Variants in ADGRL2 observed in about 807,000 individuals in gnomAD.
ADGRL2 encodes the protein adhesion G protein-coupled receptor L2.
ADGRL2 carries 44 observed loss-of-function variants against 157.4 expected under a neutral mutation model. That is an observed-to-expected ratio of 0.28 (90% CI 0.22 to 0.36). The LOEUF is 0.36. Among genes scored for constraint, ADGRL2 ranks in the 10% least tolerant of loss-of-function variants. The pLI is 1.00. For synonymous variants in ADGRL2, 585 were observed against 624.7 expected, an observed-to-expected ratio of 0.94 and a Z score of 0.95; for missense variants, 1,510 against 1,768.9, an observed-to-expected ratio of 0.85 and a Z score of 2.63.
At chr1:81,446,336 C>A (rs1374599024) in intron 2 of ADGRL2, among the ~76,000 whole-genome samples, 2 of 152,048 alleles carry the variant, frequency 1.3e-5, no homozygotes, top group Non-Finnish European at 2.9e-5. Flanking sequence ...TAAAAAGGAA[C>A]CTACAAAACA....
At chr1:81,473,547 C>G (rs2078214230) in intron 2 of ADGRL2, among the ~76,000 whole-genome samples, 2 of 152,124 alleles carry the variant, frequency 1.3e-5, no homozygotes, top group Admixed American at 1.3e-4. Flanking sequence ...AATGTGGCTA[C>G]CAGAAAATTC....
intron 2 of ADGRL2, among the ~76,000 whole-genome samples, chr1:81,898,704 T>C (rs1203900865): frequency 3.3e-5 from 5 of 152,160 alleles, no homozygotes; most frequent in African/African-American, 1.2e-4. Flanking sequence ...AAAGTTGGAC[T>C]ATCAGTGACA....
intron 3 of ADGRL2, among the ~76,000 whole-genome samples, chr1:81,599,953 T>C (rs929123467): frequency 6.6e-6 from 1 of 152,360 alleles, no homozygotes; most frequent in South Asian, 2.1e-4. Flanking sequence ...GTGTAGCCCA[T>C]GCATTATTGA....
In ADGRL2 at chr1:81,388,675, G is replaced by A. The variant is rs375180922; in HGVS notation, c.-301-56361G>A. Among the ~76,000 whole-genome samples, 6 of 152,284 alleles carry A rather than the reference G, an allele frequency of 3.9e-5. No homozygotes were observed. The East Asian group carries it at 9.7e-4, about 25-fold the overall frequency. ...AGAGGGCACAGATAGGAGTAAACGTGTATGAGGAAGTGGGCCCTCACATCG... is the reference window on the plus strand; with the variant it reads ...AGAGGGCACAGATAGGAGTAAACGTATATGAGGAAGTGGGCCCTCACATCG... On this transcript the variant is annotated intron_variant, in intron 1 of 24. Transcript: ENST00000370721.
At chr1:81,536,767 T>C (rs1419133411) in intron 2 of ADGRL2, among the ~76,000 whole-genome samples, 3 of 152,238 alleles carry the variant, frequency 2.0e-5, no homozygotes, top group African/African-American at 7.2e-5. Context: ...GTTCTATAAA[T>C]AATATATTGA....
chr1:81,448,526 C>A (rs564011131), intron 2 of ADGRL2, among the ~76,000 whole-genome samples: 2 of 151,526 alleles, frequency 1.3e-5, no homozygotes, highest in Admixed American at 1.3e-4. Context: ...AGCCTCTACA[C>A]CCCCTGATCT....
At chr1:81,750,964 AT>A in intron 1 of ADGRL2, among the ~76,000 whole-genome samples, 1 of 152,306 alleles carries the variant, frequency 6.6e-6, no homozygotes, top group Non-Finnish European at 1.5e-5. Context: ...TGGTTTCTCA[AT>A]AACATTCTCA....
At chr1:81,942,504 A>G (rs1572261623) in intron 5 of ADGRL2, among the ~76,000 whole-genome samples, 1 of 151,914 alleles carries the variant, frequency 6.6e-6, no homozygotes, top group East Asian at 1.9e-4. Context: ...TAACTTATGT[A>G]AAAGTTCTAA....
chr1:81,606,775 C>T (rs1036869092), intron 3 of ADGRL2, among the ~76,000 whole-genome samples: 4 of 140,386 alleles, frequency 2.8e-5, no homozygotes, highest in African/African-American at 1.0e-4. Context: ...TGTGTGTGTG[C>T]GCACGCGTGT....
At chr1:81,383,740 A>G (rs993040941) in intron 1 of ADGRL2, among the ~76,000 whole-genome samples, 22 of 149,286 alleles carry the variant, frequency 1.5e-4, no homozygotes, top group Non-Finnish European at 2.4e-4. Flanking sequence ...CAAGGTGGGC[A>G]GATCACAAGG....
At chr1:81,982,743 C>T (rs1157760985) in intron 19 of ADGRL2, among the ~76,000 whole-genome samples, 1 of 151,896 alleles carries the variant, frequency 6.6e-6, no homozygotes, top group Admixed American at 6.6e-5. Flanking sequence ...TTACTTCCAT[C>T]AGTTTTGAAT....
intron 3 of ADGRL2, chr1:81,596,313 G>A (rs905736558): frequency 7.3e-6 from 4 of 546,516 alleles, no homozygotes; most frequent in Admixed American, 6.3e-5. Flanking sequence ...ATTTTTTCTT[G>A]TAGTGATTCT....
At chr1:81,609,094 C>T (rs1282760589) in intron 3 of ADGRL2, among the ~76,000 whole-genome samples, 2 of 151,374 alleles carry the variant, frequency 1.3e-5, no homozygotes, top group Non-Finnish European at 2.9e-5. Flanking sequence ...GGTTAGAGTG[C>T]AGTGGTGCAA....
intron 1 of ADGRL2, chr1:81,426,938 AGT>A (rs1411254387): frequency 1.4e-6 from 1 of 713,324 alleles, no homozygotes; most frequent in Non-Finnish European, 2.6e-6. Context: ...AGACAGACAG[AGT>A]GAAAAAAAGG....
intron 4 of ADGRL2, among the ~76,000 whole-genome samples, chr1:81,938,293 A>T (rs1321502156): frequency 6.6e-6 from 1 of 151,770 alleles, no homozygotes; most frequent in Non-Finnish European, 1.5e-5. Context: ...GAGAAGAAAT[A>T]CAGCATCCAT....
intron 11 of ADGRL2, among the ~76,000 whole-genome samples, chr1:81,961,173 A>G (rs1171493754): frequency 6.6e-6 from 1 of 152,206 alleles, no homozygotes; most frequent in Non-Finnish European, 1.5e-5. Flanking sequence ...AAGTGTATTC[A>G]TGTTCAGAAA....
chr1:81,643,215 G>A (rs1395047025), intron 3 of ADGRL2, among the ~76,000 whole-genome samples: 2 of 152,158 alleles, frequency 1.3e-5, no homozygotes, highest in African/African-American at 2.4e-5. Flanking sequence ...GACTTCCCGG[G>A]ACTAATAAGT....
chr1:81,355,161 G>C (rs1195354260), intron 1 of ADGRL2, among the ~76,000 whole-genome samples: 2 of 151,998 alleles, frequency 1.3e-5, no homozygotes, highest in African/African-American at 2.4e-5. Flanking sequence ...CTCCAGCCTG[G>C]CCAAAATGGT....
chr1:81,767,870 A>AG (rs1470495008), intron 2 of ADGRL2, among the ~76,000 whole-genome samples: 78 of 105,718 alleles, frequency 7.4e-4, no homozygotes, highest in Middle Eastern at 3.9e-3. Context: ...AAAAAAAAAG[A>AG]AAAAAAAAAA....
Sources: allele counts gnomAD v4.1 joint callset (sites outside exome capture counted in the v4.1 genomes callset), GRCh38; gene constraint gnomAD v4.1.1; transcripts MANE v1.5; gene names NCBI Gene and HGNC (gene_info 2026-07-23, HGNC 2026-07-21).